Variants in FCHSD2 observed in about 807,000 individuals in gnomAD.
The protein encoded by FCHSD2 is FCH and double SH3 domains 2.
In FCHSD2, 38 loss-of-function variants were observed where a neutral mutation model predicts 108.1. That is an observed-to-expected ratio of 0.35 (90% CI 0.27 to 0.46). The LOEUF (loss-of-function observed/expected upper bound fraction) is 0.46. FCHSD2 is among the 20% of genes least tolerant of loss of function. The pLI, the probability that FCHSD2 is intolerant of heterozygous loss-of-function variation, is 1.00. For missense variants in FCHSD2, 751 were observed against 897.8 expected, an observed-to-expected ratio of 0.84 and a Z score of 2.09; for synonymous variants, 279 against 314.7, an observed-to-expected ratio of 0.89 and a Z score of 1.20.
intron 3 of FCHSD2, among the ~76,000 whole-genome samples, chr11:73,055,725 A>C (rs968402287): frequency 2.0e-4 from 31 of 152,308 alleles, no homozygotes; most frequent in Admixed American, 5.9e-4. Context: ...TAAACAGACA[A>C]TCTGTAGAGT....
intron 2 of FCHSD2, among the ~76,000 whole-genome samples, chr11:73,116,932 A>C (rs2135553103): frequency 1.3e-5 from 1 of 77,430 alleles, no homozygotes; most frequent in Non-Finnish European, 2.5e-5. Context: ...TTTTCATGTA[A>C]AACCTTTCCA....
At chr11:72,958,536 A>AC (rs1195188023) in intron 8 of FCHSD2, among the ~76,000 whole-genome samples, 1 of 152,178 alleles carries the variant, frequency 6.6e-6, no homozygotes, top group Non-Finnish European at 1.5e-5. Context: ...AAACAAAACA[A>AC]AACAACAACA....
intron 3 of FCHSD2, among the ~76,000 whole-genome samples, chr11:73,040,978 A>T (rs1368737188): frequency 6.6e-6 from 1 of 152,070 alleles, no homozygotes; most frequent in East Asian, 1.9e-4. Context: ...AGAACATGTG[A>T]TATTTGTCTT....
At chr11:72,858,931 A>C (rs1479738559) in intron 13 of FCHSD2, among the ~76,000 whole-genome samples, 2 of 152,210 alleles carry the variant, frequency 1.3e-5, no homozygotes, top group Non-Finnish European at 2.9e-5. Flanking sequence ...ATCACTCATG[A>C]AGGACAGTGA....
Position 72,926,386 on chromosome 11 carries a change from C to A in FCHSD2, c.706-4436G>T, listed in dbSNP as rs540821692. Among the ~76,000 whole-genome samples, 4 of 152,210 alleles carry A rather than the reference C, an allele frequency of 2.6e-5. No homozygotes were observed. In the East Asian group the frequency reaches 7.7e-4, roughly 29 times the overall value. On this transcript the variant is annotated intron_variant, in intron 8 of 19. Coordinates refer to ENST00000409418, the MANE Select transcript of FCHSD2 (RefSeq NM_014824.3). Reference sequence around the variant, plus strand: ...ATAGGGTAGAGAGAGGATGGCATGACCAGTTGCAGAGAGGAGTATTCTCTC... The same window carrying A: ...ATAGGGTAGAGAGAGGATGGCATGAACAGTTGCAGAGAGGAGTATTCTCTC...
chr11:73,141,790 G>C (rs1003483905), intron 1 of FCHSD2, 67 bp downstream of exon 1: 2 of 1,475,988 alleles, frequency 1.4e-6, no homozygotes, highest in Admixed American at 4.1e-5. Flanking sequence ...GGGGCGCAGC[G>C]GTCGCCCCAG....
chr11:72,856,477 A>G (rs1861432133), intron 13 of FCHSD2, among the ~76,000 whole-genome samples: 3 of 152,248 alleles, frequency 2.0e-5, no homozygotes. Flanking sequence ...TCTGTATCCC[A>G]TAAATATGTA....
intron 17 of FCHSD2, among the ~76,000 whole-genome samples, chr11:72,842,251 G>GGA (rs368123466): frequency 5.9e-5 from 9 of 152,152 alleles, no homozygotes; most frequent in Admixed American, 2.6e-4. Context: ...TGACAGTGAG[G>GGA]GAGAGAGAGA....
At chr11:73,002,026 T>C (rs1042600681) in intron 4 of FCHSD2, among the ~76,000 whole-genome samples, 6 of 152,204 alleles carry the variant, frequency 3.9e-5, no homozygotes, top group Non-Finnish European at 8.8e-5. Context: ...AATGAGTCCT[T>C]AAAGTGAAAT....
chr11:73,062,985 G>A (rs937074380), intron 3 of FCHSD2, among the ~76,000 whole-genome samples: 25 of 152,080 alleles, frequency 1.6e-4, no homozygotes, highest in African/African-American at 5.6e-4. Context: ...ACACATAATC[G>A]TCAGATTCAC....
chr11:73,015,694 C>T (rs531873030), intron 4 of FCHSD2, 115 bp downstream of exon 4: 353 of 542,582 alleles, frequency 6.5e-4, no homozygotes, highest in African/African-American at 6.4e-3. Flanking sequence ...TATCCGAAAA[C>T]ACAGCAGAGG....
At chr11:73,020,857 A>G (rs913126483) in intron 3 of FCHSD2, among the ~76,000 whole-genome samples, 1 of 152,010 alleles carries the variant, frequency 6.6e-6, no homozygotes, top group Non-Finnish European at 1.5e-5. Flanking sequence ...TTAAGTATAT[A>G]TAAGAAATAA....
intron 8 of FCHSD2, among the ~76,000 whole-genome samples, chr11:72,953,614 G>A (rs1468982146): frequency 9.5e-6 from 1 of 105,676 alleles, no homozygotes; most frequent in Non-Finnish European, 2.0e-5. Flanking sequence ...AGGTACTGGA[G>A]ACACTGCATG....
At chr11:73,112,244 G>A (rs1394505927) in intron 2 of FCHSD2, among the ~76,000 whole-genome samples, 1 of 152,100 alleles carries the variant, frequency 6.6e-6, no homozygotes, top group Non-Finnish European at 1.5e-5. Flanking sequence ...ATGTTTGAAG[G>A]ATATTTTCAC....
chr11:72,883,527 A>C (rs1370877549), intron 12 of FCHSD2, among the ~76,000 whole-genome samples: 2 of 152,208 alleles, frequency 1.3e-5, no homozygotes, highest in African/African-American at 4.8e-5. Context: ...AGGGCTAAAA[A>C]CTTATAAAAA....
At chr11:73,042,699 C>A (rs957709082) in intron 3 of FCHSD2, among the ~76,000 whole-genome samples, 3 of 152,100 alleles carry the variant, frequency 2.0e-5, no homozygotes, top group Non-Finnish European at 4.4e-5. Context: ...GCATGAGATA[C>A]CTTTCCATTT....
chr11:73,015,973 AT>A, intron 3 of FCHSD2, 88 bp from the exon 4 acceptor site: 2 of 715,666 alleles, frequency 2.8e-6, no homozygotes, highest in Non-Finnish European at 2.3e-6. Flanking sequence ...AGAAAATCTC[AT>A]TTTTCCAAAT....
chr11:73,075,722 T>G (rs931079365), intron 3 of FCHSD2, among the ~76,000 whole-genome samples: 2 of 150,988 alleles, frequency 1.3e-5, no homozygotes, highest in Non-Finnish European at 2.9e-5. Context: ...GACTGACGCA[T>G]GAGAATTTCT....
intron 9 of FCHSD2, among the ~76,000 whole-genome samples, chr11:72,908,511 G>T (rs1442619189): frequency 1.3e-5 from 2 of 152,170 alleles, no homozygotes; most frequent in East Asian, 1.9e-4. Context: ...AGTATACAAG[G>T]GCTCCCTTTT....
Sources: allele counts gnomAD v4.1 joint callset (sites outside exome capture counted in the v4.1 genomes callset), GRCh38; gene constraint gnomAD v4.1.1; transcripts MANE v1.5; gene names NCBI Gene and HGNC (gene_info 2026-07-23, HGNC 2026-07-21).